Variants in FLRT1 observed in about 807,000 individuals in gnomAD.
FLRT1 encodes the protein fibronectin leucine rich transmembrane protein 1.
FLRT1 carries 14 observed loss-of-function variants against 30.9 expected under a neutral mutation model. The observed-to-expected ratio is 0.45, with a 90% CI of 0.30 to 0.71. The LOEUF (loss-of-function observed/expected upper bound fraction) is 0.71, where lower values mean the gene tolerates loss of function less well. FLRT1 is among the 30% of genes least tolerant of loss of function. The probability of loss-of-function intolerance (pLI) is 0.08; values close to 1 mark genes in which losing one functional copy is unlikely to be tolerated. For synonymous variants in FLRT1, 368 were observed against 430.4 expected (o/e 0.85, Z 1.80); for missense variants, 737 against 949.2 (o/e 0.78, Z 2.94).
chr11:64,065,704 G>A (rs1018201179), intron 1 of FLRT1, among the ~76,000 whole-genome samples: 3 of 151,096 alleles, frequency 2.0e-5, no homozygotes, highest in African/African-American at 4.9e-5. Context: ...GCAGGAGAAC[G>A]GTGTGAACCC....
intron 1 of FLRT1, among the ~76,000 whole-genome samples, chr11:64,099,943 C>T (rs1944642744): frequency 6.6e-6 from 1 of 152,058 alleles, no homozygotes; most frequent in Non-Finnish European, 1.5e-5. Flanking sequence ...ACAAGAGAGC[C>T]TCAGGAGAAG....
intron 2 of FLRT1, among the ~76,000 whole-genome samples, chr11:64,113,583 ATGGATGGATGGATGGTTAGG>A (rs1326500118): frequency 7.1e-5 from 9 of 126,678 alleles, no homozygotes; most frequent in African/African-American, 1.9e-4. Context: ...CATGGATAGC[ATGGATGGATGGATGGTTAGG>A]TGGATGGATG....
rs148484621 is a variant in FLRT1, at chr11:64,117,913, C to G, written c.1646C>G (p.Ala549Gly). ...CAGGAGCAGAACGCTGGCCCCATGG[C>G]GAGCCTGCCCCTGGCGGGCATCATC... Reference protein sequence around the residue: ...LNQEQNAGPMASLPLAGIIGG... With the variant: ...LNQEQNAGPMGSLPLAGIIGG... The change falls in exon 3 of 3, where the codon GCG (alanine) becomes GGG (glycine). Residue 549 changes from alanine (A) to glycine (G), a missense_variant. Coordinates refer to ENST00000682287, the MANE Select transcript of FLRT1 (RefSeq NM_013280.5). 9.9e-6 allele frequency: 16 copies of G among 1,613,792 alleles called. No homozygotes were observed. The highest frequency in any genetic ancestry group is 1.3e-5 in the Non-Finnish European group (15 of 1,179,902).
chr11:64,102,265 T>C (rs1175498005), intron 1 of FLRT1, among the ~76,000 whole-genome samples: 1 of 151,988 alleles, frequency 6.6e-6, no homozygotes, highest in Admixed American at 6.6e-5. Context: ...TAATGAGAGG[T>C]GCTGGGGAGG....
chr11:64,116,066 C>A (rs1944973212), intron 2 of FLRT1, among the ~76,000 whole-genome samples, 153 bp from the exon 3 acceptor site: 1 of 152,234 alleles, frequency 6.6e-6, no homozygotes, highest in Non-Finnish European at 1.5e-5. Context: ...AAACCTGGCA[C>A]AAAGGCCACT....
intron 2 of FLRT1, among the ~76,000 whole-genome samples, chr11:64,105,716 G>A (rs1031719530): frequency 2.0e-5 from 3 of 152,182 alleles, no homozygotes; most frequent in Non-Finnish European, 4.4e-5. Context: ...GGCCCTGCTG[G>A]AGTTGAGACA....
chr11:64,113,239 A>G (rs1944892874), intron 2 of FLRT1, among the ~76,000 whole-genome samples: 1 of 152,258 alleles, frequency 6.6e-6, no homozygotes, highest in Non-Finnish European at 1.5e-5. Context: ...ATATTAGGAA[A>G]GTTCTCAGCA....
rs1329610184 is a variant in FLRT1, at chr11:64,082,499, G to T, written c.-1037-20695G>T. ...AGGCTGGGGCCAAGAGCTGGTCCCA[G>T]GGGGTGAAACAAGGCTCGGTGCCTA... On this transcript the variant is annotated intron_variant, in intron 1 of 2. Coordinates refer to ENST00000682287, the MANE Select transcript of FLRT1 (RefSeq NM_013280.5). This position sits in a 1 kb window ranked among gnomAD's most constrained non-coding sequence, Gnocchi z 4.5. Among the ~76,000 whole-genome samples, 2 of 152,104 alleles carry T rather than the reference G, an allele frequency of 1.3e-5. No homozygotes were observed. Among genetic ancestry groups the T allele is most frequent in the South Asian group, 2.1e-4 (1 of 4,816 alleles).
chr11:64,102,021 T>C (rs641378), intron 1 of FLRT1, among the ~76,000 whole-genome samples: 70,992 of 151,966 alleles, frequency 0.47, 17,380 homozygotes, highest in African/African-American at 0.61. Context: ...TATTAAAACA[T>C]GAACCCTAAT....
intron 1 of FLRT1, among the ~76,000 whole-genome samples, chr11:64,043,807 A>G (rs1943533828): frequency 2.7e-5 from 4 of 145,956 alleles, no homozygotes; most frequent in Admixed American, 2.0e-4. Context: ...TAGCCAGGAC[A>G]TGGCATCTTT....
chr11:64,066,594 C>T (rs1479433279), intron 1 of FLRT1, among the ~76,000 whole-genome samples: 7 of 150,216 alleles, frequency 4.7e-5, no homozygotes, highest in Non-Finnish European at 1.0e-4. Flanking sequence ...ATAGCCACTG[C>T]ATTCCAGCCT....
chr11:64,108,173 C>T (rs891727370), intron 2 of FLRT1, among the ~76,000 whole-genome samples: 14 of 151,940 alleles, frequency 9.2e-5, no homozygotes, highest in Middle Eastern at 3.2e-3. Context: ...ATTAGTGGGG[C>T]GTGGTGGTGC....
chr11:64,066,602 C>T (rs1408456105), intron 1 of FLRT1, among the ~76,000 whole-genome samples: 9 of 150,402 alleles, frequency 6.0e-5, no homozygotes, highest in Non-Finnish European at 4.4e-5. Flanking sequence ...TGCATTCCAG[C>T]CTCCAGCCTG....
chr11:64,094,203 C>T (rs553219760), intron 1 of FLRT1, among the ~76,000 whole-genome samples: 6 of 152,238 alleles, frequency 3.9e-5, no homozygotes, highest in South Asian at 2.1e-4. Flanking sequence ...GAGGCCAAAG[C>T]GGGTGGAGCA....
intron 1 of FLRT1, among the ~76,000 whole-genome samples, chr11:64,091,589 G>A (rs2134524604): frequency 6.6e-6 from 1 of 152,168 alleles, no homozygotes; most frequent in East Asian, 1.9e-4. Context: ...AGCACCTCCT[G>A]GAGTCCTTGC....
intron 1 of FLRT1, among the ~76,000 whole-genome samples, chr11:64,072,414 C>T (rs1157782223): frequency 6.0e-5 from 9 of 149,510 alleles, no homozygotes; most frequent in South Asian, 2.2e-4. Flanking sequence ...TCAGCTGATC[C>T]GGCTCATTTA....
At chr11:64,112,733 A>T (rs992004738) in intron 2 of FLRT1, among the ~76,000 whole-genome samples, 3 of 152,142 alleles carry the variant, frequency 2.0e-5, no homozygotes, top group Admixed American at 6.5e-5. Context: ...CCCTGGGGAT[A>T]CTAGGGGGTG....
At chr11:64,114,055 CATGGATGGATGG>C (rs61724501) in intron 2 of FLRT1, among the ~76,000 whole-genome samples, 120 of 98,126 alleles carry the variant, frequency 1.2e-3, no homozygotes, top group Admixed American at 1.9e-3. Flanking sequence ...TGGGTTGATG[CATGGATGGATGG>C]ATGGATGGAT....
chr11:64,059,474 G>A (rs1394152295), intron 1 of FLRT1, among the ~76,000 whole-genome samples: 5 of 152,188 alleles, frequency 3.3e-5, no homozygotes, highest in Non-Finnish European at 7.4e-5. Context: ...TTCTGAGAGG[G>A]CATCCCATGC....
Sources: gnomAD v4.1 joint callset for allele counts (sites outside exome capture counted in the v4.1 genomes callset) on GRCh38, gnomAD v4.1.1 for gene constraint, Gnocchi (gnomAD v3.1) non-coding constraint, MANE v1.5 for transcripts, NCBI Gene and HGNC (gene_info 2026-07-23, HGNC 2026-07-21) for gene names.